Variants in ENTPD1 observed in about 807,000 individuals in gnomAD.
ENTPD1 encodes ATP diphosphohydrolase.
Under a neutral mutation model 57.0 loss-of-function variants are expected in ENTPD1, and 33 were observed. That is an observed-to-expected ratio of 0.58 (90% confidence interval 0.44 to 0.77). ENTPD1 has a LOEUF of 0.77. ENTPD1 is among the 30% of genes least tolerant of loss of function. The probability of loss-of-function intolerance (pLI) is 0.00; values close to 1 mark genes in which losing one functional copy is unlikely to be tolerated. For missense variants in ENTPD1, 501 were observed against 603.4 expected, an observed-to-expected ratio of 0.83 and a Z score of 1.78; for synonymous variants, 202 against 218.8, an observed-to-expected ratio of 0.92 and a Z score of 0.68.
intron 1 of ENTPD1, among the ~76,000 whole-genome samples, chr10:95,812,688 A>G (rs959032798): frequency 5.3e-5 from 8 of 152,140 alleles, no homozygotes; most frequent in African/African-American, 1.9e-4. Context: ...TGGCTTTGTT[A>G]TTTCCCATCC....
chr10:95,852,756 T>C (rs1477735872), intron 7 of ENTPD1, among the ~76,000 whole-genome samples: 1 of 152,218 alleles, frequency 6.6e-6, no homozygotes, highest in Non-Finnish European at 1.5e-5. Context: ...TGTGGCATTA[T>C]TTCTGAGGGC....
chr10:95,716,199 A>G (rs2097971323), intron 1 of ENTPD1, among the ~76,000 whole-genome samples: 1 of 152,156 alleles, frequency 6.6e-6, no homozygotes, highest in African/African-American at 2.4e-5. Context: ...TTCATTTTTC[A>G]GTGGTTACTC....
chr10:95,832,767 C>T (rs1054297290), intron 2 of ENTPD1, among the ~76,000 whole-genome samples: 5 of 152,106 alleles, frequency 3.3e-5, no homozygotes, highest in African/African-American at 4.8e-5. Context: ...CTCTCTATGC[C>T]TCCCCTTATA....
the ENTPD1 span, among the ~76,000 whole-genome samples, chr10:95,705,641 G>A: frequency 6.6e-6 from 1 of 152,110 alleles, no homozygotes; most frequent in African/African-American, 2.4e-5. Context: ...ACAGGCGCCT[G>A]CCACCACACC....
Position 95,845,383 on chromosome 10 carries a change from A to G in ENTPD1, c.600A>G (p.Pro200=). 6.2e-7 allele frequency: 1 copy of G among 1,614,234 alleles called. No individual in the cohort carries two copies. The highest frequency in any genetic ancestry group is 8.5e-7 in the Non-Finnish European group (1 of 1,180,048). ...AAACAAGGTGGTTCAGCATAGTCCC[A>G]TATGAAACCAATAATCAGGAAACCT... The part of the protein sequence containing the change: ...SQKTRWFSIV[P]YETNNQETFG... Residue 200 remains proline (P), a synonymous_variant, in exon 6 of 10, where the codon CCA becomes CCG. Transcript: ENST00000371205.
intron 6 of ENTPD1, among the ~76,000 whole-genome samples, chr10:95,846,980 C>T: frequency 7.5e-6 from 1 of 133,522 alleles, no homozygotes; most frequent in Non-Finnish European, 1.6e-5. Context: ...CAGAGCAAGA[C>T]TCCATCTCAA....
chr10:95,778,095 G>A (rs547634802), intron 1 of ENTPD1, among the ~76,000 whole-genome samples: 26 of 152,282 alleles, frequency 1.7e-4, no homozygotes, highest in Admixed American at 2.0e-4. Flanking sequence ...GATCCCTTGC[G>A]CTTTCCAGGT....
chr10:95,720,166 A>G (rs1442753710), intron 1 of ENTPD1, among the ~76,000 whole-genome samples: 1 of 152,070 alleles, frequency 6.6e-6, no homozygotes, highest in Non-Finnish European at 1.5e-5. Context: ...CTCGGGTGTA[A>G]GGGGGTACTG....
At chr10:95,773,927 T>C (rs2098124444) in intron 1 of ENTPD1, among the ~76,000 whole-genome samples, 1 of 152,228 alleles carries the variant, frequency 6.6e-6, no homozygotes, top group Admixed American at 6.5e-5. Context: ...CCACAATGGT[T>C]GAACTAGTTT....
intron 1 of ENTPD1, among the ~76,000 whole-genome samples, chr10:95,821,689 T>C (rs1006694796): frequency 6.6e-6 from 1 of 152,222 alleles, no homozygotes; most frequent in African/African-American, 2.4e-5. Flanking sequence ...GCTAAAACTT[T>C]TTCTCCTAAA....
Position 95,823,239 on chromosome 10 carries a change from T to C in ENTPD1, c.19T>C (p.Ser7Pro), listed in dbSNP as rs201306382. The C allele has an allele frequency of 1.2e-6, 2 of 1,614,050 alleles. No homozygotes were observed. Among genetic ancestry groups the C allele is most frequent in the East Asian group, 4.5e-5 (2 of 44,874 alleles). The change falls in exon 2 of 10, where the codon TCT becomes CCT. Residue 7 changes from serine (S) to proline (P), a missense_variant and splice_region_variant. By Grantham distance (74) the Ser-to-Pro change is moderately conservative. Coordinates refer to ENST00000371205, the MANE Select transcript of ENTPD1 (RefSeq NM_001776.6). MEDTKE[S>P]NVKTFCSKNI... ...TTTTCTTCTGCTTTTGGTTTTAGAGTCTAACGTGAAGACATTTTGCTCCAA... is the reference window on the plus strand; with the variant it reads ...TTTTCTTCTGCTTTTGGTTTTAGAGCCTAACGTGAAGACATTTTGCTCCAA...
the ENTPD1 span, among the ~76,000 whole-genome samples, chr10:95,703,851 G>A: frequency 4.6e-5 from 7 of 150,788 alleles, no homozygotes; most frequent in Middle Eastern, 3.5e-3. Context: ...AGCACTTTGC[G>A]AGGCTGAGGT....
At chr10:95,779,575 T>C (rs2098148208) in intron 1 of ENTPD1, among the ~76,000 whole-genome samples, 1 of 152,206 alleles carries the variant, frequency 6.6e-6, no homozygotes, top group Admixed American at 6.5e-5. Context: ...GTAATACTTT[T>C]GATGTTTCTC....
At chr10:95,839,383 A>T in intron 2 of ENTPD1, 1 of 389,178 alleles carries the variant, frequency 2.6e-6, no homozygotes, top group South Asian at 2.3e-5. Context: ...CTACTTCAGC[A>T]TGTGGTTCTG....
At chr10:95,695,104 A>G in the ENTPD1 span, among the ~76,000 whole-genome samples, 3 of 151,978 alleles carry the variant, frequency 2.0e-5, no homozygotes, top group Non-Finnish European at 4.4e-5. Flanking sequence ...GGGTTTCACC[A>G]TGTTGTCCAG....
At chr10:95,775,123 C>T (rs895581524) in intron 1 of ENTPD1, among the ~76,000 whole-genome samples, 5 of 152,092 alleles carry the variant, frequency 3.3e-5, no homozygotes, top group Non-Finnish European at 7.4e-5. Context: ...CATCATTTGG[C>T]TTTCTGTTTG....
chr10:95,766,134 TC>T (rs1338295748), intron 1 of ENTPD1, among the ~76,000 whole-genome samples: 5 of 152,156 alleles, frequency 3.3e-5, no homozygotes, highest in Non-Finnish European at 7.4e-5. Context: ...CATTCTCTCT[TC>T]CCTTTTATAT....
intron 7 of ENTPD1, among the ~76,000 whole-genome samples, chr10:95,848,746 T>C (rs188361282): frequency 9.2e-5 from 14 of 152,350 alleles, no homozygotes; most frequent in African/African-American, 1.9e-4. Flanking sequence ...TTTCAGATCC[T>C]GCTGGCCAGA....
chr10:95,820,637 G>C (rs1035866285), intron 1 of ENTPD1, among the ~76,000 whole-genome samples: 1 of 152,106 alleles, frequency 6.6e-6, no homozygotes, highest in South Asian at 2.1e-4. Flanking sequence ...TCAAGGTCTC[G>C]GCTCAAATGT....
Sources: allele counts gnomAD v4.1 joint callset (sites outside exome capture counted in the v4.1 genomes callset), GRCh38; gene constraint gnomAD v4.1.1; transcripts MANE v1.5; gene names NCBI Gene and HGNC (gene_info 2026-07-23, HGNC 2026-07-21).